Variants in ERC2 observed in about 807,000 individuals in gnomAD.
The protein encoded by ERC2 is ELKS/RAB6-interacting/CAST family member 2.
Under a neutral mutation model 114.8 loss-of-function variants are expected in ERC2, and 42 were observed. That is an observed-to-expected ratio of 0.37 (90% CI 0.29 to 0.47). The LOEUF is 0.47. Among genes scored for constraint, ERC2 ranks in the 20% least tolerant of loss-of-function variants. The pLI is 0.99. For missense variants in ERC2, 939 were observed against 1,150.7 expected (o/e 0.82, Z 2.66); for synonymous variants, 454 against 425.5 (o/e 1.07, Z -0.82).
intron 2 of ERC2, among the ~76,000 whole-genome samples, chr3:56,406,495 T>C (rs558238743): frequency 1.3e-5 from 2 of 152,336 alleles, no homozygotes; most frequent in South Asian, 2.1e-4. Flanking sequence ...GCTGGCTTCA[T>C]GGGCATGGCC....
At chr3:56,161,771 G>T (rs1343145715) in intron 4 of ERC2, among the ~76,000 whole-genome samples, 1 of 151,618 alleles carries the variant, frequency 6.6e-6, no homozygotes, top group Admixed American at 6.6e-5. Flanking sequence ...TTTACTGAAG[G>T]TTTCAGAAGT....
At chr3:55,890,755 C>A (rs905951830) in intron 13 of ERC2, among the ~76,000 whole-genome samples, 1 of 152,218 alleles carries the variant, frequency 6.6e-6, no homozygotes, top group African/African-American at 2.4e-5. Flanking sequence ...GACGAAACTG[C>A]TCCTCTCAAC....
intron 2 of ERC2, among the ~76,000 whole-genome samples, chr3:56,398,552 A>C (rs1326083778): frequency 6.6e-6 from 1 of 152,202 alleles, no homozygotes; most frequent in African/African-American, 2.4e-5. Flanking sequence ...AAATGTGTGT[A>C]TATATACATA....
intron 3 of ERC2, among the ~76,000 whole-genome samples, chr3:56,277,161 C>A (rs1158245180): frequency 6.6e-6 from 1 of 152,200 alleles, no homozygotes; most frequent in Non-Finnish European, 1.5e-5. Flanking sequence ...TGAATGAGTT[C>A]TCTCGCCCTT....
At chr3:56,344,344 G>A (rs943953602) in intron 2 of ERC2, among the ~76,000 whole-genome samples, 1 of 151,948 alleles carries the variant, frequency 6.6e-6, no homozygotes, top group East Asian at 1.9e-4. Flanking sequence ...ATTCTCCACC[G>A]TCCCCAATTA....
chr3:55,518,667 T>C (rs1285747832), intron 17 of ERC2, among the ~76,000 whole-genome samples: 5 of 152,208 alleles, frequency 3.3e-5, no homozygotes, highest in Admixed American at 6.5e-5. Flanking sequence ...AATGCATTCA[T>C]TTAAGGCAAT....
chr3:56,039,432 A>G (rs956491407), intron 7 of ERC2, among the ~76,000 whole-genome samples: 4 of 152,190 alleles, frequency 2.6e-5, no homozygotes, highest in Non-Finnish European at 5.9e-5. Flanking sequence ...AACAGGAATA[A>G]ATTTAATCAA....
chr3:55,599,268 T>C (rs1341121481), intron 17 of ERC2, among the ~76,000 whole-genome samples: 1 of 152,202 alleles, frequency 6.6e-6, no homozygotes, highest in Non-Finnish European at 1.5e-5. Context: ...CTGTAAGCAC[T>C]ACTCTGCTCC....
At chr3:56,229,906 C>G (rs2050504864) in intron 3 of ERC2, among the ~76,000 whole-genome samples, 1 of 112,708 alleles carries the variant, frequency 8.9e-6, no homozygotes, top group Non-Finnish European at 1.6e-5. Flanking sequence ...GAGTCTCGCT[C>G]TGTCGCTCAG....
intron 15 of ERC2, among the ~76,000 whole-genome samples, chr3:55,701,577 A>G (rs1450665726): frequency 6.6e-6 from 1 of 152,228 alleles, no homozygotes; most frequent in Non-Finnish European, 1.5e-5. Flanking sequence ...GAATAAAAAC[A>G]ATAAAAATAG....
intron 7 of ERC2, among the ~76,000 whole-genome samples, chr3:56,032,985 A>AAGAAAG (rs1560057530): frequency 2.4e-5 from 2 of 82,654 alleles, no homozygotes; most frequent in African/African-American, 7.5e-5. Flanking sequence ...AAGAGAAAGA[A>AAGAAAG]AGAAAGAAAG....
chr3:56,293,434 T>C (rs2150351587), intron 3 of ERC2, among the ~76,000 whole-genome samples: 1 of 152,284 alleles, frequency 6.6e-6, no homozygotes, highest in South Asian at 2.1e-4. Flanking sequence ...TTCCATGGTG[T>C]AAATACACCA....
chr3:55,642,986 T>C (rs1444686714), intron 17 of ERC2, among the ~76,000 whole-genome samples: 1 of 152,194 alleles, frequency 6.6e-6, no homozygotes, highest in African/African-American at 2.4e-5. Flanking sequence ...GTTTTATATT[T>C]TCATGGGCAA....
intron 3 of ERC2, among the ~76,000 whole-genome samples, chr3:56,224,954 T>G (rs1019095602): frequency 6.6e-6 from 1 of 152,096 alleles, no homozygotes; most frequent in Non-Finnish European, 1.5e-5. Context: ...ATCAACTCTT[T>G]TCTTGGCCTC....
chr3:56,173,820 G>A (rs535492615), intron 3 of ERC2: 2 of 286,100 alleles, frequency 7.0e-6, no homozygotes, highest in African/African-American at 2.2e-5. Context: ...CTGATGCCCA[G>A]CCATCAAATC....
At chr3:55,580,522 C>A (rs1415578372) in intron 17 of ERC2, among the ~76,000 whole-genome samples, 1 of 152,134 alleles carries the variant, frequency 6.6e-6, no homozygotes, top group African/African-American at 2.4e-5. Flanking sequence ...GAAATCATTT[C>A]TCCAAATCAC....
chr3:56,440,474 G>T (rs1176028578), intron 1 of ERC2, among the ~76,000 whole-genome samples: 1 of 151,722 alleles, frequency 6.6e-6, no homozygotes, highest in Non-Finnish European at 1.5e-5. Flanking sequence ...CATGGACCCA[G>T]GAGGCGGAGC....
At chr3:55,847,851 T>C (rs370923945) in intron 14 of ERC2, among the ~76,000 whole-genome samples, 22 of 152,228 alleles carry the variant, frequency 1.4e-4, no homozygotes, top group African/African-American at 5.3e-4. Context: ...CAGGCTGGAG[T>C]GCGGTGGTGC....
intron 14 of ERC2, among the ~76,000 whole-genome samples, chr3:55,854,000 C>A (rs565038308): frequency 6.6e-6 from 1 of 152,146 alleles, no homozygotes; most frequent in Non-Finnish European, 1.5e-5. Context: ...GCAGGCCCAG[C>A]GCGGCGGCTC....
Sources: gnomAD v4.1 joint callset for allele counts (sites outside exome capture counted in the v4.1 genomes callset) on GRCh38, gnomAD v4.1.1 for gene constraint, MANE v1.5 for transcripts, NCBI Gene and HGNC (gene_info 2026-07-23, HGNC 2026-07-21) for gene names.